ADGRG1: variants seen among roughly 807,000 people sequenced by gnomAD.
ADGRG1 encodes adhesion G protein-coupled receptor G1, also known as 7-transmembrane protein with no EGF-like N-terminal domains-1.
In ADGRG1, 53 loss-of-function variants were observed where a neutral mutation model predicts 73.5. The observed-to-expected ratio is 0.72, with a 90% CI of 0.58 to 0.91. The LOEUF is 0.91. ADGRG1 is among the 40% of genes least tolerant of loss of function. The pLI is 0.00. For missense variants in ADGRG1, 795 were observed against 871.8 expected, an observed-to-expected ratio of 0.91 and a Z score of 1.11; for synonymous variants, 394 against 374.4, an observed-to-expected ratio of 1.05 and a Z score of -0.60.
At chr16:57,655,006 C>G (rs1477154320) in intron 5 of ADGRG1, 1 of 968,984 alleles carries the variant, frequency 1.0e-6, no homozygotes, top group East Asian at 1.1e-4. Flanking sequence ...AGGCGTGAGC[C>G]ACTGCACCCA....
intron 1 of ADGRG1, chr16:57,645,058 C>T: frequency 1.0e-6 from 1 of 984,616 alleles, no homozygotes; most frequent in Non-Finnish European, 1.2e-6. Context: ...CACACTCATG[C>T]ACACGCACAC....
At chr16:57,638,358 A>C (rs1367067154) in intron 1 of ADGRG1, among the ~76,000 whole-genome samples, 1 of 152,196 alleles carries the variant, frequency 6.6e-6, no homozygotes, top group Non-Finnish European at 1.5e-5. Flanking sequence ...CTAACCTTGC[A>C]GAGTGGTAGA....
intron 1 of ADGRG1, chr16:57,630,907 C>T (rs1245777013): frequency 3.1e-6 from 3 of 969,192 alleles, no homozygotes; most frequent in Non-Finnish European, 3.7e-6. Context: ...TGATACCGGA[C>T]CCCTGGCATG....
chr16:57,660,805 G>A lies in ADGRG1; in HGVS notation c.1593G>A (p.Val531=). The A allele has an allele frequency of 1.2e-6, 2 of 1,613,378 alleles. No homozygotes were observed. The highest frequency in any genetic ancestry group is 1.7e-6 in the Non-Finnish European group (2 of 1,179,354). Residue 531 remains valine, a synonymous_variant, in exon 12 of 14, where the codon GTG becomes GTA. Coordinates refer to ENST00000562631, the MANE Select transcript of ADGRG1 (RefSeq NM_201525.4). Reference sequence around the variant, plus strand: ...TTCTGGTGACGCTGGTGGCCCTGGTGGATGTGGACAACTATGGCCCCATCA... The same window carrying A: ...TTCTGGTGACGCTGGTGGCCCTGGTAGATGTGGACAACTATGGCCCCATCA... The part of the protein sequence containing the change: ...PIFLVTLVAL[V]DVDNYGPIIL...
At chr16:57,630,213 C>A in intron 1 of ADGRG1, 1 of 424,400 alleles carries the variant, frequency 2.4e-6, no homozygotes, top group Non-Finnish European at 3.2e-6. Context: ...AGCCTGTTGG[C>A]TCCTTGGGGT....
Position 57,654,019 on chromosome 16 carries a change from T to C in ADGRG1, c.654T>C (p.Ser218=), listed in dbSNP as rs2044819040. 5.0e-6 allele frequency: 8 copies of C among 1,614,106 alleles called. No homozygotes were observed. The highest frequency in any genetic ancestry group is 6.8e-6 in the Non-Finnish European group (8 of 1,180,036). The change falls in exon 5 of 14, where the codon TCT becomes TCC. Residue 218 remains serine (S), a synonymous_variant. Coordinates refer to ENST00000562631, the MANE Select transcript of ADGRG1 (RefSeq NM_201525.4). ...AGAGCCTGGAGTCGAAACTGACCTC[T>C]GTGAGATTCATGGGGGACATGGTGT... The part of the protein sequence containing the change: ...QLQSLESKLT[S]VRFMGDMVSF...
intron 12 of ADGRG1, chr16:57,661,380 G>C (rs1017218810): frequency 6.1e-6 from 6 of 985,190 alleles, no homozygotes; most frequent in Non-Finnish European, 7.2e-6. Context: ...CGGAAGCCAG[G>C]GTTCCTGAGC....
intron 1 of ADGRG1, chr16:57,646,829 G>A (rs1264192837): frequency 8.6e-6 from 7 of 818,616 alleles, no homozygotes; most frequent in African/African-American, 7.4e-5. Context: ...GTGTGATAAC[G>A]TGGATGTCAC....
Position 57,661,958 on chromosome 16 carries a change from CT to C in ADGRG1, c.1928del (p.Phe643SerfsTer24). ...VLYLFSIITS[F>X]QGFLIFIWYW... ...TCTACCTTTTCAGCATCATCACCTCCTTCCAAGGTAAGGAGAAGACCCGTCC... is the reference window on the plus strand; with the variant it reads ...TCTACCTTTTCAGCATCATCACCTCCTCCAAGGTAAGGAGAAGACCCGTCC... On this transcript the variant is annotated frameshift_variant, in exon 13 of 14. Transcript: ENST00000562631. LOFTEE classifies it high-confidence loss of function. The C allele has an allele frequency of 6.2e-7, 1 of 1,613,580 alleles. No homozygotes were observed. The highest frequency in any genetic ancestry group is 2.2e-5 in the East Asian group (1 of 44,888).
intron 9 of ADGRG1, 86 bp from the exon 10 acceptor site, chr16:57,657,282 CAGGGA>C: frequency 6.3e-7 from 1 of 1,596,038 alleles, no homozygotes; most frequent in Non-Finnish European, 8.6e-7. Context: ...CGAGGCCCAC[CAGGGA>C]CCCCAGGTTA....
At chr16:57,627,117 CGGGGTGGCTTTGT>C (rs1341708564), upstream of ADGRG1, 1 of 983,442 alleles carries the variant, frequency 1.0e-6, no homozygotes, top group African/African-American at 1.8e-5. Context: ...CTGCACCCCA[CGGGGTGGCTTTGT>C]GGCCCTTCCT....
upstream of ADGRG1, chr16:57,626,767 G>C (rs1010819630): frequency 3.0e-6 from 3 of 985,220 alleles, no homozygotes; most frequent in Non-Finnish European, 3.6e-6. Flanking sequence ...CTGGTCCCTG[G>C]GGAACAGCTG....
intron 2 of ADGRG1, among the ~76,000 whole-genome samples, chr16:57,622,371 C>A (rs867021724): frequency 6.6e-6 from 1 of 152,100 alleles, no homozygotes; most frequent in South Asian, 2.1e-4. Context: ...GCCCCCCAAC[C>A]GCTGGGGCTC....
At chr16:57,629,991 C>A in intron 1 of ADGRG1, 8 of 985,244 alleles carry the variant, frequency 8.1e-6, no homozygotes, top group Non-Finnish European at 9.6e-6. Flanking sequence ...CAGTTGTAGC[C>A]TGGGGTCCAC....
intron 11 of ADGRG1, 90 bp from the exon 12 acceptor site, chr16:57,660,678 G>A: frequency 1.3e-6 from 2 of 1,511,468 alleles, no homozygotes; most frequent in South Asian, 1.2e-5. Flanking sequence ...ACTTCAGAGG[G>A]GCCCTTGCCC....
intron 1 of ADGRG1, among the ~76,000 whole-genome samples, chr16:57,638,758 C>G (rs912457952): frequency 3.3e-5 from 5 of 152,150 alleles, no homozygotes; most frequent in Admixed American, 1.3e-4. Context: ...TACTGGGTGG[C>G]CTGCACTGGG....
intron 1 of ADGRG1, chr16:57,630,081 T>A: frequency 1.2e-6 from 1 of 839,062 alleles, no homozygotes; most frequent in Non-Finnish European, 1.4e-6. Context: ...GAGCGCTTAC[T>A]GTGCACTCTG....
intron 3 of ADGRG1, chr16:57,652,078 A>G (rs9932029): frequency 0.18 from 185,983 of 1,038,936 alleles, 17,436 homozygotes; most frequent in African/African-American, 0.24. Context: ...AAAGCTGCAC[A>G]GCTAGCCAAT....
chr16:57,630,174 C>T (rs1007337899), intron 1 of ADGRG1: 1 of 398,142 alleles, frequency 2.5e-6, no homozygotes, highest in Non-Finnish European at 3.4e-6. Context: ...AGCCAAGCCC[C>T]CTGCCCCTCC....
Sources: gnomAD v4.1 joint callset for allele counts (sites outside exome capture counted in the v4.1 genomes callset) on GRCh38, gnomAD v4.1.1 for gene constraint, MANE v1.5 for transcripts, NCBI Gene and HGNC (gene_info 2026-07-23, HGNC 2026-07-21) for gene names.